The following PCDHA4 variants were observed in gnomAD, a reference collection of about 807,000 sequenced individuals.
The protein encoded by PCDHA4 is protocadherin alpha 4.
In PCDHA4, 49 loss-of-function variants were observed where a neutral mutation model predicts 61.4. That is an observed-to-expected ratio of 0.80 (90% CI 0.63 to 1.01). The LOEUF is 1.01. PCDHA4 is among the 50% of genes least tolerant of loss of function. The pLI is 0.00. For synonymous variants in PCDHA4, 590 were observed against 550.3 expected, an observed-to-expected ratio of 1.07 and a Z score of -1.01; for missense variants, 1,254 against 1,235.8, an observed-to-expected ratio of 1.01 and a Z score of -0.22.
chr5:140,971,973 A>G (rs1554233757), intron 1 of PCDHA4, among the ~76,000 whole-genome samples: 1 of 152,218 alleles, frequency 6.6e-6, no homozygotes, highest in South Asian at 2.1e-4. Flanking sequence ...TTTCAATACT[A>G]TGAGTAGACA....
intron 1 of PCDHA4, among the ~76,000 whole-genome samples, chr5:140,960,639 C>T (rs1184483884): frequency 5.9e-5 from 9 of 152,058 alleles, no homozygotes; most frequent in Admixed American, 5.9e-4. Flanking sequence ...ATTTTTAAAA[C>T]CCCTATCCAA....
chr5:140,856,173 C>T (rs782775861), intron 1 of PCDHA4: 10 of 1,598,116 alleles, frequency 6.3e-6, no homozygotes, highest in African/African-American at 1.3e-5. Flanking sequence ...AGACACGGCA[C>T]CTTCGTGGGC....
intron 1 of PCDHA4, among the ~76,000 whole-genome samples, chr5:140,896,320 C>G (rs1583228292): frequency 6.6e-6 from 1 of 152,182 alleles, no homozygotes; most frequent in Non-Finnish European, 1.5e-5. Context: ...CTGCTTTCCA[C>G]AGTGGCTAAA....
chr5:140,965,435 T>C (rs1327952223), intron 1 of PCDHA4, among the ~76,000 whole-genome samples: 1 of 151,992 alleles, frequency 6.6e-6, no homozygotes, highest in Non-Finnish European at 1.5e-5. Context: ...CTGCAGTCAT[T>C]GAAATTGCTG....
chr5:140,945,201 T>G (rs1168662297), intron 1 of PCDHA4, among the ~76,000 whole-genome samples: 1 of 152,172 alleles, frequency 6.6e-6, no homozygotes, highest in Middle Eastern at 3.4e-3. Context: ...CTATTTACAA[T>G]AGCTATGAGA....
At chr5:140,968,339 A>C in intron 1 of PCDHA4, 1 of 1,614,114 alleles carries the variant, frequency 6.2e-7, no homozygotes, top group Non-Finnish European at 8.5e-7. Flanking sequence ...TGTCTCCATT[A>C]ACAGTGCCAG....
chr5:140,948,464 G>A (rs1357759863), intron 1 of PCDHA4, among the ~76,000 whole-genome samples: 1 of 151,508 alleles, frequency 6.6e-6, no homozygotes, highest in Non-Finnish European at 1.5e-5. Flanking sequence ...TTTAGGGAAA[G>A]TTTCTGATAA....
At position 141,010,458 on chromosome 5, in the gene PCDHA4, T is replaced by C. The variant is rs2098417373; in HGVS notation, c.*521T>C. The C allele has an allele frequency of 1.1e-6, 1 of 871,194 alleles. No individual in the cohort carries two copies. The highest frequency in any genetic ancestry group is 1.7e-6 in the Non-Finnish European group (1 of 592,130). 54.0% of individuals were successfully genotyped at this position (871,194 alleles called of 1,614,324 possible). On this transcript the variant is annotated 3_prime_UTR_variant, in exon 4 of 4. Coordinates refer to ENST00000530339, the MANE Select transcript of PCDHA4 (RefSeq NM_018907.4). ...AAAGACAAATAAACAGCGGAAGTTA[T>C]CAGTATGGAGGGGAAGTGTAAACTT...
chr5:140,875,632 C>G, intron 1 of PCDHA4: 1 of 1,613,710 alleles, frequency 6.2e-7, no homozygotes, highest in Non-Finnish European at 8.5e-7. Flanking sequence ...GGACCTGGGG[C>G]TGGAGCTGGC....
At chr5:140,832,758 A>G (rs1554133636) in intron 1 of PCDHA4, among the ~76,000 whole-genome samples, 1 of 152,224 alleles carries the variant, frequency 6.6e-6, no homozygotes, top group Non-Finnish European at 1.5e-5. Flanking sequence ...AGTAAAAGCA[A>G]GAATATTGTA....
At chr5:140,880,123 C>T (rs1315267493) in intron 1 of PCDHA4, among the ~76,000 whole-genome samples, 3 of 152,118 alleles carry the variant, frequency 2.0e-5, no homozygotes, top group African/African-American at 7.2e-5. Flanking sequence ...CAACAGGAAG[C>T]TGAAATAAAG....
chr5:140,848,693 G>A, intron 1 of PCDHA4: 1 of 1,592,386 alleles, frequency 6.3e-7, no homozygotes, highest in Non-Finnish European at 8.6e-7. Flanking sequence ...TGTTCCAGTT[G>A]GATTCCAAAG....
In PCDHA4 at chr5:140,818,806, G is replaced by C. The variant is rs2150102424; in HGVS notation, c.2385+9234G>C. Among the ~76,000 whole-genome samples, 6 of 152,310 alleles carry C rather than the reference G, an allele frequency of 3.9e-5. No homozygotes were observed. In the South Asian group the frequency reaches 1.0e-3, roughly 26 times the overall value. On this transcript the variant is annotated intron_variant, in intron 1 of 3. Coordinates refer to ENST00000530339, the MANE Select transcript of PCDHA4 (RefSeq NM_018907.4). ...GACTGTACCACTGCACTCCAGCCTC[G>C]GTCAGAGTGAGACTCTTTGTCACCC...
At chr5:140,842,951 C>A (rs2150348628) in intron 1 of PCDHA4, 3 of 1,594,846 alleles carry the variant, frequency 1.9e-6, no homozygotes, top group Non-Finnish European at 2.6e-6. Context: ...GGGCGTGCCG[C>A]CTCTGGGCAG....
chr5:140,996,312 G>A (rs1397001765), intron 3 of PCDHA4, among the ~76,000 whole-genome samples: 2 of 152,186 alleles, frequency 1.3e-5, no homozygotes, highest in African/African-American at 2.4e-5. Flanking sequence ...CAAAGTAAGG[G>A]GGGAGGGTAG....
chr5:140,820,785 A>T (rs1554127919), intron 1 of PCDHA4, among the ~76,000 whole-genome samples: 1 of 152,086 alleles, frequency 6.6e-6, no homozygotes, highest in Non-Finnish European at 1.5e-5. Context: ...TTGTTATGTA[A>T]GTACAAAGGT....
chr5:140,843,272 G>T, intron 1 of PCDHA4: 1 of 1,596,120 alleles, frequency 6.3e-7, no homozygotes, highest in Non-Finnish European at 8.6e-7. Context: ...GCTGGTCCTG[G>T]TGAAGGATCA....
intron 1 of PCDHA4, among the ~76,000 whole-genome samples, chr5:140,919,556 A>G (rs980403400): frequency 5.9e-5 from 9 of 152,186 alleles, no homozygotes; most frequent in African/African-American, 2.2e-4. Context: ...ACTGATTTAT[A>G]TTAAGTGAAT....
In PCDHA4 at chr5:140,876,910, T is replaced by C. The variant is rs184817309; in HGVS notation, c.2385+67338T>C. On this transcript the variant is annotated intron_variant, in intron 1 of 3. Transcript: ENST00000530339. ...CTGCCACATCTTCACGGTGTCGGCA[T>C]GGGACGCGGACGCGCAGAAGAACGC... 5 of 1,613,976 alleles carry C rather than the reference T, an allele frequency of 3.1e-6. No individual in the cohort carries two copies. In the African/African-American group the frequency reaches 4.0e-5, roughly 13 times the overall value.
Sources: gnomAD v4.1 joint callset for allele counts (sites outside exome capture counted in the v4.1 genomes callset) on GRCh38, gnomAD v4.1.1 for gene constraint, MANE v1.5 for transcripts, NCBI Gene and HGNC (gene_info 2026-07-23, HGNC 2026-07-21) for gene names.